Variants in GPC6 observed in about 807,000 individuals in gnomAD.
The protein encoded by GPC6 is glypican-6.
A neutral mutation model predicts 55.2 loss-of-function variants in GPC6; 14 were observed. The ratio of observed to expected loss-of-function variants is 0.25; its 90% CI spans 0.17 to 0.40. The LOEUF (loss-of-function observed/expected upper bound fraction) is 0.40. Among genes scored for constraint, GPC6 ranks in the 10% least tolerant of loss-of-function variants. The pLI is 1.00. For missense variants in GPC6, 641 were observed against 708.5 expected, an observed-to-expected ratio of 0.90 and a Z score of 1.08; for synonymous variants, 278 against 259.6, an observed-to-expected ratio of 1.07 and a Z score of -0.68.
intron 2 of GPC6, among the ~76,000 whole-genome samples, chr13:93,654,327 C>A (rs986800871): frequency 1.3e-5 from 2 of 151,830 alleles, no homozygotes; most frequent in Non-Finnish European, 2.9e-5. Flanking sequence ...CATCTTGGCT[C>A]ACTATTATTA....
chr13:93,771,953 G>A (rs1885315244), intron 2 of GPC6, among the ~76,000 whole-genome samples: 1 of 152,198 alleles, frequency 6.6e-6, no homozygotes, highest in Non-Finnish European at 1.5e-5. Flanking sequence ...TGTGGTGGGA[G>A]TGTATATCCA....
intron 1 of GPC6, among the ~76,000 whole-genome samples, chr13:93,503,034 A>G (rs1040089539): frequency 2.0e-5 from 3 of 152,196 alleles, no homozygotes; most frequent in Non-Finnish European, 4.4e-5. Flanking sequence ...CACTTTGGCA[A>G]AACTGTGAAG....
chr13:93,709,625 G>A (rs1185010116), intron 2 of GPC6, among the ~76,000 whole-genome samples: 3 of 151,676 alleles, frequency 2.0e-5, no homozygotes, highest in South Asian at 2.1e-4. Flanking sequence ...AGCATAATTT[G>A]TCTTAAAATG....
intron 6 of GPC6, among the ~76,000 whole-genome samples, chr13:94,312,016 T>G (rs1285896504): frequency 2.0e-5 from 3 of 152,214 alleles, no homozygotes; most frequent in African/African-American, 7.2e-5. Flanking sequence ...CAGTTCAGTT[T>G]CCTTATCTAA....
intron 5 of GPC6, among the ~76,000 whole-genome samples, chr13:94,297,750 G>A (rs1258049330): frequency 6.6e-6 from 1 of 152,074 alleles, no homozygotes; most frequent in Non-Finnish European, 1.5e-5. Context: ...ATGAAAAGTG[G>A]ACAAAACTAA....
chr13:93,649,003 G>T (rs958546670), intron 2 of GPC6, among the ~76,000 whole-genome samples: 6 of 152,038 alleles, frequency 3.9e-5, no homozygotes, highest in African/African-American at 1.4e-4. Context: ...AAATTTTTGA[G>T]ATAATCTTAA....
At chr13:93,248,907 C>T (rs1033561109) in intron 1 of GPC6, among the ~76,000 whole-genome samples, 5 of 152,192 alleles carry the variant, frequency 3.3e-5, no homozygotes, top group Non-Finnish European at 7.3e-5. Flanking sequence ...TCATAGCATT[C>T]GAGGCCTGTT....
chr13:94,053,491 C>T (rs1022314946), intron 4 of GPC6, among the ~76,000 whole-genome samples: 2 of 151,930 alleles, frequency 1.3e-5, no homozygotes, highest in African/African-American at 4.8e-5. Flanking sequence ...AGGTATTACC[C>T]AATAAATTCA....
At chr13:93,224,409 G>C (rs78725925), upstream of GPC6, among the ~76,000 whole-genome samples, 1,183 of 149,624 alleles carry the variant, frequency 7.9e-3, 18 homozygotes, top group African/African-American at 0.028. Context: ...GGTCAAGCTC[G>C]TCTCAAACTC....
intron 3 of GPC6, among the ~76,000 whole-genome samples, chr13:93,839,199 G>T (rs1056712874): frequency 6.6e-6 from 1 of 152,088 alleles, no homozygotes; most frequent in Non-Finnish European, 1.5e-5. Context: ...AATTGGTTGG[G>T]AAGTTAACTT....
At chr13:93,802,982 A>G (rs1886427099) in intron 2 of GPC6, among the ~76,000 whole-genome samples, 1 of 152,144 alleles carries the variant, frequency 6.6e-6, no homozygotes, top group Non-Finnish European at 1.5e-5. Flanking sequence ...TTTTTCATTA[A>G]CTGTGAAACA....
chr13:93,785,470 A>G (rs1369346582), intron 2 of GPC6, among the ~76,000 whole-genome samples: 2 of 152,118 alleles, frequency 1.3e-5, no homozygotes, highest in Non-Finnish European at 2.9e-5. Flanking sequence ...TTGATATTTT[A>G]AGTAAATGGC....
chr13:94,279,367 G>T (rs1594126037), intron 4 of GPC6, among the ~76,000 whole-genome samples: 4 of 98,836 alleles, frequency 4.0e-5, no homozygotes, highest in South Asian at 7.4e-4. Context: ...CTATTTTGTT[G>T]ATCTTTTTCA....
chr13:94,093,738 G>A (rs566545125), intron 4 of GPC6, among the ~76,000 whole-genome samples: 1 of 152,172 alleles, frequency 6.6e-6, no homozygotes, highest in East Asian at 1.9e-4. Context: ...TGATTCTAAA[G>A]AATGAACACT....
At chr13:93,343,716 C>T (rs1880339501) in intron 1 of GPC6, among the ~76,000 whole-genome samples, 1 of 152,194 alleles carries the variant, frequency 6.6e-6, no homozygotes, top group African/African-American at 2.4e-5. Flanking sequence ...GAAGACCTCT[C>T]TTTGCCCGTT....
chr13:94,364,582 C>G (rs187374391), intron 6 of GPC6, among the ~76,000 whole-genome samples: 176 of 152,312 alleles, frequency 1.2e-3, no homozygotes, highest in African/African-American at 4.0e-3. Flanking sequence ...TTCTCACACC[C>G]TACAACCCTT....
intron 1 of GPC6, among the ~76,000 whole-genome samples, chr13:93,237,897 G>A (rs1002548779): frequency 6.6e-6 from 1 of 151,886 alleles, no homozygotes; most frequent in Non-Finnish European, 1.5e-5. Context: ...TTTATTTCTG[G>A]GTTCTCTATT....
intron 3 of GPC6, among the ~76,000 whole-genome samples, chr13:93,911,708 A>G (rs1220869213): frequency 3.3e-5 from 5 of 152,228 alleles, no homozygotes; most frequent in African/African-American, 1.2e-4. Flanking sequence ...CTTAACCATT[A>G]TGACTGTTTC....
intron 1 of GPC6, among the ~76,000 whole-genome samples, chr13:93,286,889 A>G (rs1019296676): frequency 6.6e-6 from 1 of 152,166 alleles, no homozygotes; most frequent in Non-Finnish European, 1.5e-5. Context: ...GATACCTGAA[A>G]TGCTCTAAAA....
Sources: gnomAD v4.1 joint callset for allele counts (sites outside exome capture counted in the v4.1 genomes callset) on GRCh38, gnomAD v4.1.1 for gene constraint, MANE v1.5 for transcripts, NCBI Gene and HGNC (gene_info 2026-07-23, HGNC 2026-07-21) for gene names.